TMEM132C: variants seen among roughly 807,000 people sequenced by gnomAD.
TMEM132C encodes the protein protein phosphatase 1, regulatory subunit 152.
TMEM132C carries 29 observed loss-of-function variants against 61.4 expected under a neutral mutation model. The observed-to-expected ratio is 0.47, with a 90% confidence interval of 0.35 to 0.64. TMEM132C has a LOEUF of 0.64. TMEM132C is among the 30% of genes least tolerant of loss of function. The probability of loss-of-function intolerance (pLI) is 0.00; values close to 1 mark genes in which losing one functional copy is unlikely to be tolerated. For synonymous variants in TMEM132C, 656 were observed against 633.1 expected, an observed-to-expected ratio of 1.04 and a Z score of -0.54; for missense variants, 1,408 against 1,476.9, an observed-to-expected ratio of 0.95 and a Z score of 0.76.
chr12:128,397,771 G>T (rs1875013979), intron 1 of TMEM132C, among the ~76,000 whole-genome samples: 1 of 151,996 alleles, frequency 6.6e-6, no homozygotes, highest in African/African-American at 2.4e-5. Flanking sequence ...CAATGATTAG[G>T]GTGCAAGTCT....
At chr12:128,276,269 A>G (rs148471196) in intron 1 of TMEM132C, among the ~76,000 whole-genome samples, 1 of 152,354 alleles carries the variant, frequency 6.6e-6, no homozygotes, top group African/African-American at 2.4e-5. Context: ...GAGAAGAAGA[A>G]TCCACAGTAC....
intron 1 of TMEM132C, among the ~76,000 whole-genome samples, chr12:128,281,928 A>G (rs1429164433): frequency 3.3e-5 from 5 of 152,220 alleles, no homozygotes; most frequent in Non-Finnish European, 7.3e-5. Context: ...TCTTCCATAA[A>G]TAGTTCCTTC....
chr12:128,678,242 A>G (rs1954609434), intron 5 of TMEM132C, among the ~76,000 whole-genome samples: 1 of 152,180 alleles, frequency 6.6e-6, no homozygotes, highest in Non-Finnish European at 1.5e-5. Context: ...TCTCAGATGA[A>G]AGAAAATTAA....
chr12:128,284,056 A>G (rs1870980821), intron 1 of TMEM132C, among the ~76,000 whole-genome samples: 1 of 152,134 alleles, frequency 6.6e-6, no homozygotes, highest in African/African-American at 2.4e-5. Context: ...CAACTTCTCT[A>G]CCTCAGGATA....
intron 1 of TMEM132C, among the ~76,000 whole-genome samples, chr12:128,386,307 A>G (rs1282914634): frequency 1.3e-5 from 2 of 152,050 alleles, no homozygotes; most frequent in Non-Finnish European, 2.9e-5. Context: ...CCAACATTTA[A>G]CCCTCTATTT....
chr12:128,520,384 T>C (rs1273548992), intron 2 of TMEM132C, among the ~76,000 whole-genome samples: 1 of 152,234 alleles, frequency 6.6e-6, no homozygotes, highest in Non-Finnish European at 1.5e-5. Context: ...TTTGAATGGA[T>C]GTGAGCAAAA....
rs1874917715 is a variant in TMEM132C, at chr12:128,395,466, G to A, written c.86-19266G>A. Among the ~76,000 whole-genome samples the A allele has an allele frequency of 2.0e-5, 3 of 152,154 alleles. No homozygotes were observed. The South Asian group carries it at 6.2e-4, about 32-fold the overall frequency. On this transcript the variant is annotated intron_variant, in intron 1 of 8. Transcript: ENST00000435159. ...ACAGATGCTTCTCTACTTATGATGG[G>A]GTAACGTGCTGATAAATCCATTGTA...
intron 3 of TMEM132C, among the ~76,000 whole-genome samples, chr12:128,604,453 T>TAAC (rs1565988514): frequency 6.3e-4 from 79 of 126,056 alleles, no homozygotes; most frequent in African/African-American, 2.4e-3. Flanking sequence ...AGATAGATAA[T>TAAC]AGATGGATAG....
At chr12:128,691,735 C>A (rs528037169) in intron 5 of TMEM132C, among the ~76,000 whole-genome samples, 2 of 151,786 alleles carry the variant, frequency 1.3e-5, no homozygotes, top group Non-Finnish European at 2.9e-5. Context: ...ATCCAGCTGT[C>A]TACCCATTTG....
At chr12:128,272,420 A>C (rs2135890505) in intron 1 of TMEM132C, among the ~76,000 whole-genome samples, 1 of 152,324 alleles carries the variant, frequency 6.6e-6, no homozygotes, top group South Asian at 2.1e-4. Context: ...CATACTGAAA[A>C]GACCTTAAAA....
chr12:128,390,978 T>G (rs1425504535), intron 1 of TMEM132C, among the ~76,000 whole-genome samples: 1 of 152,198 alleles, frequency 6.6e-6, no homozygotes, highest in Non-Finnish European at 1.5e-5. Flanking sequence ...TGTGCTGTCC[T>G]CTTGGTGCAT....
chr12:128,326,334 T>G lies in TMEM132C; in HGVS notation c.85+58847T>G, dbSNP rs1250202284. Among the ~76,000 whole-genome samples, 3 of 152,154 alleles carry G rather than the reference T, an allele frequency of 2.0e-5. No individual in the cohort carries two copies. The highest frequency in any genetic ancestry group is 7.2e-5 in the African/African-American group (3 of 41,428). On this transcript the variant is annotated intron_variant, in intron 1 of 8. Transcript: ENST00000435159. The surrounding 1 kb of genome is among the most constrained non-coding windows in gnomAD (Gnocchi z 5.6). The stretch of plus-strand genomic sequence containing the variant: ...CGATTCTCTGGATATGAGAGTGTTG[T>G]TTTCCAAGTGTAGCAGGGTTTCACT...
intron 2 of TMEM132C, among the ~76,000 whole-genome samples, chr12:128,511,575 C>T (rs1872565925): frequency 6.6e-6 from 1 of 152,196 alleles, no homozygotes; most frequent in South Asian, 2.1e-4. Flanking sequence ...GTGTCTTGCC[C>T]TGTGGAGCCA....
chr12:128,620,870 A>C (rs1453796941), intron 4 of TMEM132C, among the ~76,000 whole-genome samples: 1 of 152,162 alleles, frequency 6.6e-6, no homozygotes, highest in Non-Finnish European at 1.5e-5. Context: ...TCAAATTAAA[A>C]ATAAAGTGGC....
chr12:128,507,402 CTTTTTTTTTT>C (rs111625089), intron 2 of TMEM132C, among the ~76,000 whole-genome samples: 1 of 113,408 alleles, frequency 8.8e-6, no homozygotes, highest in Admixed American at 9.8e-5. Context: ...TTTTTTCTTT[CTTTTTTTTTT>C]TTTTTTTTTA....
chr12:128,359,773 G>T (rs535974015), intron 1 of TMEM132C, among the ~76,000 whole-genome samples: 4 of 152,206 alleles, frequency 2.6e-5, no homozygotes, highest in Non-Finnish European at 2.9e-5. Context: ...TTTTCTTGGG[G>T]GATCATGTTG....
intron 5 of TMEM132C, among the ~76,000 whole-genome samples, chr12:128,675,518 T>C (rs76244432): frequency 2.4e-3 from 361 of 152,312 alleles, no homozygotes; most frequent in Middle Eastern, 0.01. Context: ...CAAACTTATC[T>C]CAAAGGTTGC....
intron 1 of TMEM132C, among the ~76,000 whole-genome samples, chr12:128,360,352 T>C (rs553664879): frequency 6.6e-6 from 1 of 152,166 alleles, no homozygotes; most frequent in Admixed American, 6.5e-5. Context: ...CAACAGAATT[T>C]AGATGATGAT....
At chr12:128,551,755 TCTC>T (rs2136155906) in intron 3 of TMEM132C, among the ~76,000 whole-genome samples, 1 of 152,238 alleles carries the variant, frequency 6.6e-6, no homozygotes, top group East Asian at 1.9e-4. Flanking sequence ...TCCCCCTTCA[TCTC>T]CTTTCCTCGG....
Sources: allele counts gnomAD v4.1 joint callset (sites outside exome capture counted in the v4.1 genomes callset), GRCh38; gene constraint gnomAD v4.1.1; non-coding constraint Gnocchi (gnomAD v3.1); transcripts MANE v1.5; gene names NCBI Gene and HGNC (gene_info 2026-07-23, HGNC 2026-07-21).